The following SLC16A8 variants were observed in gnomAD, a reference collection of about 807,000 sequenced individuals.
The protein encoded by SLC16A8 is solute carrier family 16 member 8, also known as monocarboxylate transporter 3.
A neutral mutation model predicts 22.4 loss-of-function variants in SLC16A8; 20 were observed. The ratio of observed to expected loss-of-function variants is 0.89; its 90% CI spans 0.63 to 1.30. The LOEUF is 1.30. Among genes scored for constraint, SLC16A8 ranks in the 50% most tolerant of loss-of-function variants. SLC16A8 has a pLI of 0.00. For synonymous variants in SLC16A8, 393 were observed against 358.8 expected, an observed-to-expected ratio of 1.10 and a Z score of -1.08; for missense variants, 817 against 740.3, an observed-to-expected ratio of 1.10 and a Z score of -1.20.
chr22:38,082,968 G>A (rs995100201), intron 2 of SLC16A8, 74 bp downstream of exon 2: 2 of 850,680 alleles, frequency 2.4e-6, no homozygotes, highest in African/African-American at 1.7e-5. Context: ...TGGGGAAACT[G>A]AGGCACAGGG....
chr22:38,082,172 G>A lies in SLC16A8; in HGVS notation c.215-140C>T, dbSNP rs529102846. ...CACAGCTTGGAGGGGACAGGCCAAA[G>A]AGACAGCATCCTGCGAGGGCAAGGC... On this transcript the variant is annotated intron_variant, in intron 3 of 5. Transcript: ENST00000681075. 469 of 1,054,520 alleles carry A rather than the reference G, an allele frequency of 4.4e-4. 3 individuals are homozygous for A. The African/African-American group carries it at 6.7e-3, about 15-fold the overall frequency. The allele number at this position is 1,054,520 out of a possible 1,614,324, so 65.3% of individuals were successfully genotyped here. A position where few individuals can be genotyped will look rare whatever the true frequency, so the allele number is the denominator to read the frequency against.
Position 38,081,665 on chromosome 22 carries a change from G to T in SLC16A8, c.373C>A (p.Leu125Ile). Residue 125 changes from leucine (L) to isoleucine (I), a missense_variant, in exon 5 of 6, where the codon CTC (leucine) becomes ATC (isoleucine). Transcript: ENST00000681075. ...ATGATGAGCGACGGCTGGAAGTTGA[G>T]GGCCAGGCCCAGGCCTGCGGGCGAG... The part of the protein sequence containing the change: ...AGVLTGLGLA[L>I]NFQPSLIMLG... The T allele has an allele frequency of 6.6e-7, 1 of 1,523,398 alleles. No individual in the cohort carries two copies. 94.4% of individuals were successfully genotyped at this position (1,523,398 alleles called of 1,614,324 possible). A position where few individuals can be genotyped will look rare whatever the true frequency, so the allele number is the denominator to read the frequency against.
In SLC16A8 at chr22:38,078,702, G is replaced by A. The variant is rs572012866; in HGVS notation, c.1201C>T (p.Arg401Cys). 554 of 1,602,012 alleles carry A rather than the reference G, an allele frequency of 3.5e-4. No individual in the cohort carries two copies. The highest frequency in any genetic ancestry group is 4.5e-4 in the Non-Finnish European group (525 of 1,170,058). ...AVLIGPPSAG[R>C]LVDVLKNYEI... is the part of the protein sequence containing the mutation. The stretch of plus-strand genomic sequence containing the variant: ...TAGTTCTTCAACACATCCACCAGGC[G>A]GCCTGGGGAGGAGGAGGAAGAGGAG... Residue 401 changes from arginine to cysteine, a missense_variant and splice_region_variant, in exon 6 of 6, where the codon CGC (arginine) becomes TGC (cysteine). By Grantham distance (180) the Arg-to-Cys change is radical. Coordinates refer to ENST00000681075, the MANE Select transcript of SLC16A8 (RefSeq NM_013356.3).
rs138356560 is a variant in SLC16A8, at chr22:38,078,352, CAA to C, written c.*34_*35del. ...TCTCTGAGACAAGAAGCTGTGTTCC[CAA>C]GTCACTGGGCCACCCCACCCAGAGC... On this transcript the variant is annotated 3_prime_UTR_variant, in exon 6 of 6. Transcript: ENST00000681075. 6.0e-4 allele frequency: 930 copies of C among 1,554,768 alleles called. 6 individuals carry two copies. The East Asian group carries it at 0.017, about 28-fold the overall frequency.
At chr22:38,078,838 T>C in intron 5 of SLC16A8, 134 bp from the exon 6 acceptor site, 1 of 695,554 alleles carries the variant, frequency 1.4e-6, no homozygotes, top group Non-Finnish European at 2.4e-6. Context: ...GCCCACTCTT[T>C]ATTCCTGTTT....
At chr22:38,078,812 T>A in intron 5 of SLC16A8, 108 bp from the exon 6 acceptor site, 1 of 875,798 alleles carries the variant, frequency 1.1e-6, no homozygotes, top group Non-Finnish European at 1.8e-6. Flanking sequence ...GTGAGGCTCC[T>A]GGGTGACACA....
chr22:38,080,594 C>T (rs1479312699), intron 5 of SLC16A8, among the ~76,000 whole-genome samples: 1 of 152,234 alleles, frequency 6.6e-6, no homozygotes. Flanking sequence ...GTGCCAACTG[C>T]TTGGGATGGC....
At position 38,082,766 on chromosome 22, in the gene SLC16A8, G is replaced by C; in HGVS notation, c.108C>G (p.Pro36=). The change falls in exon 3 of 6, where the codon CCC becomes CCG. Residue 36 remains proline (P), a synonymous_variant. Coordinates refer to ENST00000681075, the MANE Select transcript of SLC16A8 (RefSeq NM_013356.3). ...FVVTGFAYGF[P]KAVSVFFRAL... ...CGCGGAAGAAGACGCTCACGGCTTTGGGGAAGCCGTAGGCGAAGCCGGTGA... is the reference window on the plus strand; with the variant it reads ...CGCGGAAGAAGACGCTCACGGCTTTCGGGAAGCCGTAGGCGAAGCCGGTGA... The C allele has an allele frequency of 6.3e-7, 1 of 1,595,982 alleles. No homozygotes were observed. The highest frequency in any genetic ancestry group is 8.5e-7 in the Non-Finnish European group (1 of 1,174,096).
At chr22:38,079,210 C>A (rs1276241045) in intron 5 of SLC16A8, among the ~76,000 whole-genome samples, 1 of 152,246 alleles carries the variant, frequency 6.6e-6, no homozygotes, top group Non-Finnish European at 1.5e-5. Context: ...GGGCCAGTAA[C>A]TCATTTCCTT....
In SLC16A8 at chr22:38,078,689, A is replaced by G. The variant is rs2076371; in HGVS notation, c.1214T>C (p.Val405Ala). The G allele has an allele frequency of 0.74, 1,183,445 of 1,603,288 alleles. 439,794 individuals are homozygous for G. Among genetic ancestry groups the G allele is most frequent in the African/African-American group, 0.95 (71,168 of 74,850 alleles). Reference sequence around the variant, plus strand: ...GAAGATGATCTCATAGTTCTTCAACACATCCACCAGGCGGCCTGGGGAGGA... The same window carrying G: ...GAAGATGATCTCATAGTTCTTCAACGCATCCACCAGGCGGCCTGGGGAGGA... Reference protein sequence around the residue: ...GPPSAGRLVDVLKNYEIIFYL... With the variant: ...GPPSAGRLVDALKNYEIIFYL... The change falls in exon 6 of 6, where the codon GTG (valine) becomes GCG (alanine). Residue 405 changes from valine to alanine, a missense_variant. By Grantham distance (64) the Val-to-Ala change is moderately conservative. Coordinates refer to ENST00000681075, the MANE Select transcript of SLC16A8 (RefSeq NM_013356.3).
At chr22:38,079,705 C>A (rs992113166) in intron 5 of SLC16A8, among the ~76,000 whole-genome samples, 1 of 152,228 alleles carries the variant, frequency 6.6e-6, no homozygotes, top group African/African-American at 2.4e-5. Context: ...CCACTACACC[C>A]GACCAGGAAA....
rs1309592710 is a variant in SLC16A8 at position 38,081,656 on chromosome 22, G to A, written c.382C>T (p.Gln128Ter). ...AGCCCCAGCATGATGAGCGACGGCTGGAAGTTGAGGGCCAGGCCCAGGCCT... is the reference window on the plus strand; with the variant it reads ...AGCCCCAGCATGATGAGCGACGGCTAGAAGTTGAGGGCCAGGCCCAGGCCT... The part of the protein sequence containing the change: ...LTGLGLALNF[Q>*]PSLIMLGLYF... Residue 128 changes from glutamine (Q) to a stop codon, truncating the protein, a stop_gained, in exon 5 of 6, where the codon CAG (glutamine) becomes TAG (stop). Transcript: ENST00000681075. LOFTEE classifies it high-confidence loss of function. The A allele has an allele frequency of 2.6e-6, 4 of 1,525,202 alleles. No individual in the cohort carries two copies. Among genetic ancestry groups the A allele is most frequent in the Admixed American group, 2.1e-5 (1 of 48,282 alleles). 94.5% of individuals were successfully genotyped at this position (1,525,202 alleles called of 1,614,324 possible).
intron 2 of SLC16A8, 30 bp from the exon 3 acceptor site, chr22:38,082,911 G>A: frequency 7.7e-7 from 1 of 1,296,872 alleles, no homozygotes; most frequent in South Asian, 1.3e-5. Flanking sequence ...ACAAGAGGGA[G>A]GGGCTGGGCC....
chr22:38,082,536 C>T, intron 3 of SLC16A8, 124 bp downstream of exon 3: 2 of 816,994 alleles, frequency 2.4e-6, no homozygotes, highest in Non-Finnish European at 3.7e-6. Flanking sequence ...CCAGGGTTCC[C>T]ACAGGCAGGA....
At position 38,081,515 on chromosome 22, in the gene SLC16A8, C is replaced by T; in HGVS notation, c.523G>A (p.Gly175Ser). 1.4e-6 allele frequency: 2 copies of T among 1,420,732 alleles called. No homozygotes were observed. The highest frequency in any genetic ancestry group is 1.8e-6 in the Non-Finnish European group (2 of 1,100,754). 88.0% of individuals were successfully genotyped at this position (1,420,732 alleles called of 1,614,324 possible). Residue 175 changes from glycine (G) to serine (S), a missense_variant, in exon 5 of 6, where the codon GGC (glycine) becomes AGC (serine). Transcript: ENST00000681075. ...AGCCCGCCGAGCAGCAGGAAGCCGC[C>T]GCGCCAGCCGAAGCGCTCCAGCAGC... Reference protein sequence around the residue: ...QQLLERFGWRGGFLLLGGLLL... With the variant: ...QQLLERFGWRSGFLLLGGLLL...
At position 38,081,540 on chromosome 22, in the gene SLC16A8, C is replaced by G; in HGVS notation, c.498G>C (p.Gln166His). The G allele has an allele frequency of 1.4e-6, 2 of 1,474,160 alleles. No homozygotes were observed. The highest frequency in any genetic ancestry group is 1.8e-6 in the Non-Finnish European group (2 of 1,123,868). 91.3% of individuals were successfully genotyped at this position (1,474,160 alleles called of 1,614,324 possible). ...FLSALSPLGQ[Q>H]LLERFGWRGG... ...CGCGCCAGCCGAAGCGCTCCAGCAG[C>G]TGCTGGCCGAGCGGCGACAGCGCGG... Residue 166 changes from glutamine (Q) to histidine (H), a missense_variant, in exon 5 of 6, where the codon CAG becomes CAC. Transcript: ENST00000681075.
In SLC16A8 at chr22:38,081,573, C is replaced by A. The variant is rs1184391234; in HGVS notation, c.465G>T (p.Val155=). 6.6e-7 allele frequency: 1 copy of A among 1,508,020 alleles called. No homozygotes were observed. The highest frequency in any genetic ancestry group is 1.2e-5 in the South Asian group (1 of 81,418). The allele number at this position is 1,508,020 out of a possible 1,614,324, so 93.4% of individuals were successfully genotyped here. ...ANGLAAAGSP[V]FLSALSPLGQ... ...CGAGCGGCGACAGCGCGGACAGGAA[C>A]ACGGGGCTGCCCGCCGCCGCCAGCC... The change falls in exon 5 of 6, where the codon GTG becomes GTT. Residue 155 remains valine, a synonymous_variant. Transcript: ENST00000681075.
intron 3 of SLC16A8, among the ~76,000 whole-genome samples, chr22:38,082,355 G>A (rs2085930711): frequency 6.6e-6 from 1 of 152,254 alleles, no homozygotes; most frequent in Admixed American, 6.5e-5. Flanking sequence ...CCCACCTACA[G>A]GTCAGGGCTG....
Position 38,082,001 on chromosome 22 carries a change from A to G in SLC16A8, c.246T>C (p.Phe82=). The change falls in exon 4 of 6, where the codon TTT becomes TTC. Residue 82 remains phenylalanine, a synonymous_variant. Transcript: ENST00000681075. ...GPVSSILVTR[F]GCRPVMLAGG... ...CCGCCAGCATCACCGGGCGACAGCC[A>G]AAGCGGGTCACGAGGATGCTGGACA... is the stretch of plus-strand genomic sequence containing the variant. 1.3e-6 allele frequency: 2 copies of G among 1,578,586 alleles called. No homozygotes were observed. The highest frequency in any genetic ancestry group is 1.7e-6 in the Non-Finnish European group (2 of 1,162,702).
Sources: allele counts gnomAD v4.1 joint callset (sites outside exome capture counted in the v4.1 genomes callset), GRCh38; gene constraint gnomAD v4.1.1; transcripts MANE v1.5; gene names NCBI Gene and HGNC (gene_info 2026-07-23, HGNC 2026-07-21).